The following GRHL2 variants were observed in gnomAD, a reference collection of about 807,000 sequenced individuals.
GRHL2 encodes the protein grainyhead-like protein 2 homolog.
In GRHL2, 21 loss-of-function variants were observed where a neutral mutation model predicts 83.8. That is an observed-to-expected ratio of 0.25 (90% confidence interval 0.18 to 0.36). GRHL2 has a LOEUF of 0.36. Ranked by LOEUF, GRHL2 falls within the 10% of genes least tolerant of loss-of-function variation. GRHL2 has a pLI of 1.00. For missense variants in GRHL2, 623 were observed against 781.8 expected, an observed-to-expected ratio of 0.80 and a Z score of 2.42; for synonymous variants, 280 against 278.9, an observed-to-expected ratio of 1.00 and a Z score of -0.04.
chr8:101,552,820 T>A (rs1289046508), intron 3 of GRHL2, 38 bp downstream of exon 3: 1 of 1,584,166 alleles, frequency 6.3e-7, no homozygotes, highest in East Asian at 2.3e-5. Context: ...TAACTCTATG[T>A]TTTCTAAAAA....
intron 4 of GRHL2, among the ~76,000 whole-genome samples, chr8:101,560,527 G>A (rs768389190): frequency 2.6e-5 from 4 of 152,150 alleles, no homozygotes; most frequent in Non-Finnish European, 5.9e-5. Flanking sequence ...TAAATACCTA[G>A]AGCTGGAATT....
At chr8:101,609,075 C>T (rs1397875209) in intron 8 of GRHL2, among the ~76,000 whole-genome samples, 1 of 150,234 alleles carries the variant, frequency 6.7e-6, no homozygotes, top group Non-Finnish European at 1.5e-5. Context: ...GACGAGATTG[C>T]TGGGGAGAGA....
intron 7 of GRHL2, among the ~76,000 whole-genome samples, chr8:101,590,481 G>A (rs1812256307): frequency 1.3e-5 from 2 of 152,190 alleles, no homozygotes; most frequent in Admixed American, 1.3e-4. Flanking sequence ...CAGATGGGAG[G>A]TGCAAAGTGG....
At chr8:101,562,111 A>G in intron 4 of GRHL2, 1 of 667,504 alleles carries the variant, frequency 1.5e-6, no homozygotes, top group East Asian at 3.1e-5. Context: ...GTTTTGCTTT[A>G]CTTCTTTGAT....
In GRHL2 at chr8:101,552,733, C is replaced by G. The variant is rs1198042337; in HGVS notation, c.235C>G (p.Leu79Val). The G allele has an allele frequency of 1.2e-6, 2 of 1,614,020 alleles. No individual in the cohort carries two copies. Among genetic ancestry groups the G allele is most frequent in the Non-Finnish European group, 1.7e-6 (2 of 1,180,018 alleles). The change falls in exon 3 of 16, where the codon CTG (leucine) becomes GTG (valine). Residue 79 changes from leucine to valine, a missense_variant. By Grantham distance (32) the Leu-to-Val change is conservative. This residue lies in a region of GRHL2 where 239 missense variants were observed against 240.5 expected (regional missense o/e 0.99). Coordinates refer to ENST00000646743, the MANE Select transcript of GRHL2 (RefSeq NM_024915.4). ...TTTCCAGGTTCCTCGAGACAAGAGG[C>G]TGCTGTCTGTAAGCAAAGCAAGTGA... is the stretch of plus-strand genomic sequence containing the variant. ...DYYKVPRDKRLLSVSKASDSQ... is the reference protein window; with the variant it reads ...DYYKVPRDKRVLSVSKASDSQ...
intron 4 of GRHL2, among the ~76,000 whole-genome samples, chr8:101,562,721 T>C (rs894524245): frequency 6.6e-6 from 1 of 152,244 alleles, no homozygotes; most frequent in East Asian, 1.9e-4. Context: ...TTCCAACTTT[T>C]GATGTAGAAT....
intron 14 of GRHL2, among the ~76,000 whole-genome samples, chr8:101,652,929 C>T (rs766134925): frequency 5.9e-5 from 9 of 152,130 alleles, no homozygotes; most frequent in Non-Finnish European, 1.3e-4. Context: ...TTCTCAAGTG[C>T]TCCTTTTCTA....
intron 1 of GRHL2, among the ~76,000 whole-genome samples, chr8:101,514,710 G>A (rs188679915): frequency 1.0e-3 from 154 of 152,272 alleles, no homozygotes; most frequent in Non-Finnish European, 1.9e-3. Context: ...CTAACAACTC[G>A]AGCTTTCTGC....
rs143504685 is a variant in GRHL2, at chr8:101,526,816, C to T, written c.21-16425C>T. 5.9e-5 allele frequency among the ~76,000 whole-genome samples: 9 copies of T among 152,258 alleles called. No homozygotes were observed. In the East Asian group the frequency reaches 1.7e-3, roughly 29 times the overall value. On this transcript the variant is annotated intron_variant, in intron 1 of 15. Coordinates refer to ENST00000646743, the MANE Select transcript of GRHL2 (RefSeq NM_024915.4). ...ATGCAGTCAAAGTGCTTTACACGTA[C>T]TTCCTGCTTTGTCACACAGAATATT...
chr8:101,652,449 TGTGTGTCTGGTGTGTGTG>T (rs1813670122), intron 14 of GRHL2, among the ~76,000 whole-genome samples: 4 of 53,698 alleles, frequency 7.4e-5, no homozygotes, highest in Non-Finnish European at 1.1e-4. Flanking sequence ...GTGTGTGTGG[TGTGTGTCTGGTGTGTGTG>T]GTGTGTGTGT....
chr8:101,616,103 TTCTTTCTTTCTTCC>T (rs1812850862), intron 8 of GRHL2, among the ~76,000 whole-genome samples: 1 of 148,584 alleles, frequency 6.7e-6, no homozygotes, highest in Admixed American at 6.7e-5. Context: ...TCTTTCTTCT[TTCTTTCTTTCTTCC>T]TCTTTCTTTC....
chr8:101,595,964 C>T (rs995364926), intron 7 of GRHL2, among the ~76,000 whole-genome samples: 28 of 151,622 alleles, frequency 1.8e-4, no homozygotes, highest in Middle Eastern at 3.4e-3. Flanking sequence ...ACTAAAAATA[C>T]AAAAAATTAG....
In GRHL2 at chr8:101,492,700, A is replaced by C; in HGVS notation, c.-70A>C. The stretch of plus-strand genomic sequence containing the variant: ...CGCTCTCACACACCTTCACCTGCAC[A>C]GACTTGAAAGTCCAGTTTCACCAGA... On this transcript the variant is annotated 5_prime_UTR_variant, in exon 1 of 16. Coordinates refer to ENST00000646743, the MANE Select transcript of GRHL2 (RefSeq NM_024915.4). 7.2e-7 allele frequency: 1 copy of C among 1,396,194 alleles called. No individual in the cohort carries two copies. The highest frequency in any genetic ancestry group is 1.0e-6 in the Non-Finnish European group (1 of 980,748). The allele number at this position is 1,396,194 out of a possible 1,614,324, so 86.5% of individuals were successfully genotyped here.
intron 12 of GRHL2, among the ~76,000 whole-genome samples, chr8:101,642,382 T>A (rs1255510839): frequency 6.6e-6 from 1 of 152,248 alleles, no homozygotes; most frequent in Non-Finnish European, 1.5e-5. Flanking sequence ...TAAATCTTGC[T>A]TGGTGAAAAA....
At position 101,668,299 on chromosome 8, in the gene GRHL2, A is replaced by ATTTG. The variant is rs1282721048; in HGVS notation, c.*1602_*1605dup. 4.6e-5 allele frequency: 7 copies of ATTTG among 152,626 alleles called. No individual in the cohort carries two copies. Among genetic ancestry groups the ATTTG allele is most frequent in the African/African-American group, 1.7e-4 (7 of 41,412 alleles). 9.5% of individuals were successfully genotyped at this position (152,626 alleles called of 1,614,324 possible). On this transcript the variant is annotated 3_prime_UTR_variant, in exon 16 of 16. Transcript: ENST00000646743. ...CCAAAGGTTCTCTACAAAGGCCCAG[A>ATTTG]TTTGTTTGTAAAGCACTTTGACTCT...
rs1159217262 is a variant in GRHL2 at position 101,558,428 on chromosome 8, T to C, written c.294T>C (p.Leu98=). Residue 98 remains leucine (L), a synonymous_variant, in exon 4 of 16, where the codon CTT becomes CTC. Coordinates refer to ENST00000646743, the MANE Select transcript of GRHL2 (RefSeq NM_024915.4). ...GGGTTTCAACACACAGAAACTGCCT[T>C]GGCACCAGTGAAGCCCAGAGTAATT... ...SQEDQEKRNC[L]GTSEAQSNLS... 4 of 1,614,156 alleles carry C rather than the reference T, an allele frequency of 2.5e-6. No individual in the cohort carries two copies. Among genetic ancestry groups the C allele is most frequent in the Non-Finnish European group, 2.5e-6 (3 of 1,180,028 alleles).
intron 1 of GRHL2, among the ~76,000 whole-genome samples, chr8:101,540,346 G>C (rs1385868572): frequency 1.3e-5 from 2 of 152,152 alleles, no homozygotes; most frequent in African/African-American, 2.4e-5. Context: ...TTACTTCTAA[G>C]GCCTATACTA....
rs1236610073 is a variant in GRHL2 at position 101,497,707 on chromosome 8, C to A, written c.20+4918C>A. On this transcript the variant is annotated intron_variant, in intron 1 of 15. Transcript: ENST00000646743. The stretch of plus-strand genomic sequence containing the variant: ...AACAATGTTCCAGGCATTATAATTG[C>A]CTTAAATAGGGCAACACTGCTTCAA... 3.9e-5 allele frequency among the ~76,000 whole-genome samples: 6 copies of A among 152,248 alleles called. No individual in the cohort carries two copies. In the East Asian group the frequency reaches 1.2e-3, roughly 29 times the overall value.
At position 101,552,777 on chromosome 8, in the gene GRHL2, G is replaced by A. The variant is rs536156640; in HGVS notation, c.279G>A (p.Glu93=). Residue 93 remains glutamate, a synonymous_variant, in exon 3 of 16, where the codon GAG becomes GAA. Transcript: ENST00000646743. The part of the protein sequence containing the change: ...SKASDSQEDQ[E]KRNCLGTSEA... ...CAAGTGACAGCCAAGAAGACCAGGA[G>A]AAAAGGTAAAGGAATTTGCCTGGCC... is the stretch of plus-strand genomic sequence containing the variant. The A allele has an allele frequency of 1.9e-6, 3 of 1,613,888 alleles. No homozygotes were observed. Among genetic ancestry groups the A allele is most frequent in the Admixed American group, 3.3e-5 (2 of 60,008 alleles).
Sources: allele counts gnomAD v4.1 joint callset (sites outside exome capture counted in the v4.1 genomes callset), GRCh38; gene constraint gnomAD v4.1.1; regional missense constraint gnomAD v4.1.1; transcripts MANE v1.5; gene names NCBI Gene and HGNC (gene_info 2026-07-23, HGNC 2026-07-21).